PPP4R1: variants seen among roughly 807,000 people sequenced by gnomAD.
PPP4R1 encodes serine/threonine-protein phosphatase 4 regulatory subunit 1.
Under a neutral mutation model 111.2 loss-of-function variants are expected in PPP4R1, and 42 were observed. That is an observed-to-expected ratio of 0.38 (90% CI 0.29 to 0.49). The LOEUF (loss-of-function observed/expected upper bound fraction) is 0.49. PPP4R1 is among the 20% of genes least tolerant of loss of function. PPP4R1 has a pLI of 0.97. For synonymous variants in PPP4R1, 409 were observed against 405.5 expected (o/e 1.01, Z -0.10); for missense variants, 1,012 against 1,161.6 (o/e 0.87, Z 1.87).
chr18:9,555,894 T>TG (rs1241914642), intron 15 of PPP4R1, among the ~76,000 whole-genome samples: 1 of 151,854 alleles, frequency 6.6e-6, no homozygotes. Flanking sequence ...CCCAGCACTT[T>TG]GGGAGGCCAA....
Position 9,547,698 on chromosome 18 carries a change from C to T in PPP4R1, c.*91G>A. 1.4e-6 allele frequency: 2 copies of T among 1,480,946 alleles called. No individual in the cohort carries two copies. The highest frequency in any genetic ancestry group is 2.3e-5 in the East Asian group (1 of 43,962). The allele number at this position is 1,480,946 out of a possible 1,614,324, so 91.7% of individuals were successfully genotyped here. A position where few individuals can be genotyped will look rare whatever the true frequency, so the allele number is the denominator to read the frequency against. On this transcript the variant is annotated 3_prime_UTR_variant, in exon 20 of 20. Coordinates refer to ENST00000400556, the MANE Select transcript of PPP4R1 (RefSeq NM_001042388.3). ...CCGCAGGAGAGGAAGGTCTCTCCTC[C>T]CCCGAAAGCTATCCCAGGTCACATG...
chr18:9,584,842 G>C lies in PPP4R1; in HGVS notation c.586-14C>G. On this transcript the variant is annotated splice_polypyrimidine_tract_variant and intron_variant, in intron 6 of 19. Transcript: ENST00000400556. ...TTTGCACATTATCTAAAATAAGTAA[G>C]AACAAACACACACTGAAAATATCAA... 3.2e-6 allele frequency: 5 copies of C among 1,562,236 alleles called. No homozygotes were observed. The highest frequency in any genetic ancestry group is 4.4e-6 in the Non-Finnish European group (5 of 1,139,262).
At chr18:9,577,664 A>T (rs1441769483) in intron 9 of PPP4R1, among the ~76,000 whole-genome samples, 2 of 143,618 alleles carry the variant, frequency 1.4e-5, no homozygotes, top group East Asian at 3.9e-4. Context: ...AAGACTGTCT[A>T]AAAAAAAAAC....
rs73942107 is a variant in PPP4R1, at chr18:9,603,378, C to T, written c.53-8225G>A. Among the ~76,000 whole-genome samples, 1,246 of 152,004 alleles carry T rather than the reference C, an allele frequency of 8.2e-3. 19 individuals are homozygous for T. Among genetic ancestry groups the T allele is most frequent in the African/African-American group, 0.028 (1,170 of 41,396 alleles). Reference sequence around the variant, plus strand: ...TCCCATCCATTTCATTAAGAGATGCCTTTTTGATAAAATGTTATTTACTAG... The same window carrying T: ...TCCCATCCATTTCATTAAGAGATGCTTTTTTGATAAAATGTTATTTACTAG... On this transcript the variant is annotated intron_variant, in intron 2 of 19. Coordinates refer to ENST00000400556, the MANE Select transcript of PPP4R1 (RefSeq NM_001042388.3).
At chr18:9,611,034 G>A (rs954781927) in intron 2 of PPP4R1, among the ~76,000 whole-genome samples, 1 of 152,044 alleles carries the variant, frequency 6.6e-6, no homozygotes, top group Admixed American at 6.5e-5. Flanking sequence ...CGAAAGACCT[G>A]AGACTCTTAG....
chr18:9,591,585 T>C (rs776542634), intron 4 of PPP4R1, among the ~76,000 whole-genome samples: 62 of 152,318 alleles, frequency 4.1e-4, no homozygotes, highest in Middle Eastern at 3.4e-3. Context: ...AAACTAAGGA[T>C]ACATATTTCA....
intron 10 of PPP4R1, among the ~76,000 whole-genome samples, chr18:9,571,648 T>G (rs976964275): frequency 6.6e-6 from 1 of 152,128 alleles, no homozygotes; most frequent in South Asian, 2.1e-4. Context: ...TGACATGAGT[T>G]GTGCTTAGAA....
At chr18:9,561,868 A>G (rs756049249) in intron 13 of PPP4R1, 112 bp downstream of exon 13, 143 of 780,342 alleles carry the variant, frequency 1.8e-4, no homozygotes, top group Admixed American at 2.8e-4. Flanking sequence ...ATGACACACT[A>G]GTCAATTTTT....
chr18:9,597,296 G>A (rs1568122608), intron 2 of PPP4R1, among the ~76,000 whole-genome samples: 1 of 152,180 alleles, frequency 6.6e-6, no homozygotes, highest in African/African-American at 2.4e-5. Flanking sequence ...AGAGCACTAG[G>A]AGGGTCCAAA....
Position 9,570,497 on chromosome 18 carries a change from G to A in PPP4R1, c.1233C>T (p.Ser411=). 1 of 1,614,136 alleles carries A rather than the reference G, an allele frequency of 6.2e-7. No homozygotes were observed. Among genetic ancestry groups the A allele is most frequent in the Admixed American group, 1.7e-5 (1 of 60,008 alleles). ...TAGCTGCTTCCTGGTGAGATTCTGA[G>A]GACAAAGTACAAAGTAAAGAGCTGT... The part of the protein sequence containing the change: ...PLDSSLLCTL[S]SESHQEAASN... Residue 411 remains serine, a synonymous_variant, in exon 11 of 20, where the codon TCC becomes TCT. Transcript: ENST00000400556.
At chr18:9,598,885 G>T (rs2067333930) in intron 2 of PPP4R1, among the ~76,000 whole-genome samples, 1 of 152,008 alleles carries the variant, frequency 6.6e-6, no homozygotes, top group Non-Finnish European at 1.5e-5. Context: ...AATTAGCTGG[G>T]CATGGTGGCG....
chr18:9,571,912 C>T (rs145136037), intron 10 of PPP4R1, among the ~76,000 whole-genome samples: 9 of 152,242 alleles, frequency 5.9e-5, no homozygotes, highest in Admixed American at 1.3e-4. Flanking sequence ...TTAGAAAGAC[C>T]ATTCTGGAGG....
At chr18:9,610,977 C>A (rs1000479601) in intron 2 of PPP4R1, among the ~76,000 whole-genome samples, 7 of 151,986 alleles carry the variant, frequency 4.6e-5, no homozygotes. Flanking sequence ...CAACCTTTTC[C>A]CCGACTCTGT....
At position 9,614,337 on chromosome 18, in the gene PPP4R1, GCCCGCCTCCCC is replaced by G. The variant is rs1428496848; in HGVS notation, c.8-78_8-68del. The G allele has an allele frequency of 3.2e-6, 2 of 616,550 alleles. No homozygotes were observed. The highest frequency in any genetic ancestry group is 4.0e-6 in the Non-Finnish European group (2 of 505,606). The allele number at this position is 616,550 out of a possible 1,614,324, so 38.2% of individuals were successfully genotyped here. A position where few individuals can be genotyped will look rare whatever the true frequency, so the allele number is the denominator to read the frequency against. ...GGGCCCGGCGCGACGCCCCCCCCCC[GCCCGCCTCCCC>G]CCCGCCCCGGGGGCGCCTTCCCGCG... is the stretch of plus-strand genomic sequence containing the variant. On this transcript the variant is annotated intron_variant, in intron 1 of 19. Transcript: ENST00000400556. This position sits in a 1 kb window ranked among gnomAD's most constrained non-coding sequence, Gnocchi z 4.1.
intron 18 of PPP4R1, among the ~76,000 whole-genome samples, chr18:9,549,652 ATG>A (rs1598882961): frequency 1.3e-5 from 2 of 152,160 alleles, no homozygotes; most frequent in East Asian, 3.8e-4. Flanking sequence ...TGTGCACAGT[ATG>A]TGTGTGGTGG....
At chr18:9,561,385 G>A (rs528026002) in intron 13 of PPP4R1, among the ~76,000 whole-genome samples, 1 of 152,192 alleles carries the variant, frequency 6.6e-6, no homozygotes, top group Non-Finnish European at 1.5e-5. Context: ...GAGACCACGG[G>A]TGTGGCATGG....
At position 9,614,269 on chromosome 18, in the gene PPP4R1, G is replaced by A. The variant is rs752513524; in HGVS notation, c.9C>T (p.Asp3=). Residue 3 remains aspartate (D), a splice_region_variant and synonymous_variant, in exon 2 of 20, where the codon GAC becomes GAT. Transcript: ENST00000400556. This position sits in a 1 kb window ranked among gnomAD's most constrained non-coding sequence, Gnocchi z 4.1. The stretch of plus-strand genomic sequence containing the variant: ...GCAGGTCCTCCTGAAGCAGCGAGAG[G>A]TCTGCGCCGAGGGGAGAGAAGAAAG... MA[D]LSLLQEDLQE... The A allele has an allele frequency of 3.1e-5, 41 of 1,335,204 alleles. No individual in the cohort carries two copies. In the Middle Eastern group the frequency reaches 7.3e-4, roughly 24 times the overall value. 82.7% of individuals were successfully genotyped at this position (1,335,204 alleles called of 1,614,324 possible).
In PPP4R1 at chr18:9,564,722, G is replaced by T. The variant is rs985666195; in HGVS notation, c.1574-1172C>A. ...GGTGTGTGTGTGTGTGTGTGTGTGT[G>T]TGTGTGTGTGTGTGTGGGGGTATCA... On this transcript the variant is annotated intron_variant, in intron 11 of 19. Transcript: ENST00000400556. Among the ~76,000 whole-genome samples the T allele has an allele frequency of 4.2e-3, 213 of 50,180 alleles. 1 individual carries two copies. The highest frequency in any genetic ancestry group is 0.025 in the South Asian group (49 of 1,948). The allele number at this position is 50,180 out of a possible 152,430, so 32.9% of individuals were successfully genotyped here.
At chr18:9,577,253 C>T in intron 9 of PPP4R1, 62 bp from the exon 10 acceptor site, 1 of 1,446,950 alleles carries the variant, frequency 6.9e-7, no homozygotes, top group South Asian at 1.3e-5. Context: ...TATACGCACA[C>T]ATTATGTATA....
Sources: gnomAD v4.1 joint callset for allele counts (sites outside exome capture counted in the v4.1 genomes callset) on GRCh38, gnomAD v4.1.1 for gene constraint, Gnocchi (gnomAD v3.1) non-coding constraint, MANE v1.5 for transcripts, NCBI Gene and HGNC (gene_info 2026-07-23, HGNC 2026-07-21) for gene names.